TRRAP: variants seen among roughly 807,000 people sequenced by gnomAD.
TRRAP encodes the protein transformation/transcription domain associated protein, also known as transformation/transcription domain-associated protein.
A neutral mutation model predicts 438.8 loss-of-function variants in TRRAP; 41 were observed. The ratio of observed to expected loss-of-function variants is 0.09; its 90% CI spans 0.07 to 0.12. TRRAP has a LOEUF of 0.12. TRRAP is among the 10% of genes least tolerant of loss of function. TRRAP has a pLI of 1.00. For synonymous variants in TRRAP, 1,994 were observed against 1,962.9 expected (o/e 1.02, Z -0.42); for missense variants, 3,122 against 5,055.1 (o/e 0.62, Z 11.60).
intron 6 of TRRAP, among the ~76,000 whole-genome samples, chr7:98,894,318 A>G (rs1348511191): frequency 3.9e-5 from 6 of 152,192 alleles, no homozygotes; most frequent in African/African-American, 1.4e-4. Context: ...TTAAAATGTC[A>G]TTTGAGGAAT....
intron 62 of TRRAP, among the ~76,000 whole-genome samples, chr7:98,985,721 A>C (rs1468604965): frequency 6.6e-6 from 1 of 152,192 alleles, no homozygotes; most frequent in Non-Finnish European, 1.5e-5. Flanking sequence ...TGGGGCTTGC[A>C]TGTTTAGCTT....
Position 99,005,288 on chromosome 7 carries a change from C to T in TRRAP, c.10693C>T (p.Leu3565=). The T allele has an allele frequency of 1.9e-6, 3 of 1,614,154 alleles. 1 individual carries two copies. The highest frequency in any genetic ancestry group is 8.5e-7 in the Non-Finnish European group (1 of 1,180,050). The change falls in exon 69 of 73, where the codon CTG becomes TTG. Residue 3565 remains leucine (L), a synonymous_variant. Coordinates refer to ENST00000456197, the MANE Select transcript of TRRAP (RefSeq NM_001375524.1). This position sits in a 1 kb window ranked among gnomAD's most constrained non-coding sequence, Gnocchi z 5.1. ...REERVLQLLR[L]LNPCLEKRKE... ...GGAGCGTGTGTTGCAGCTGCTGCGT[C>T]TGCTGAACCCCTGTTTGGAGAAGAG...
In TRRAP at chr7:98,948,692, G is replaced by A. The variant is rs200860968; in HGVS notation, c.4788+7G>A. The A allele has an allele frequency of 1.9e-6, 3 of 1,614,076 alleles. No individual in the cohort carries two copies. Among genetic ancestry groups the A allele is most frequent in the Non-Finnish European group, 2.5e-6 (3 of 1,180,048 alleles). On this transcript the variant is annotated splice_region_variant and intron_variant, in intron 35 of 72. Transcript: ENST00000456197. This position sits in a 1 kb window ranked among gnomAD's most constrained non-coding sequence, Gnocchi z 4.9. ...GTGGAGCAGAATGTTTATGGTAAGA[G>A]CTGTGAGCAGCTGGAGTCAGGGGTC...
In TRRAP at chr7:98,931,603, C is replaced by T. The variant is rs782581604; in HGVS notation, c.3790C>T (p.Leu1264=). ...STVRKQAMHS[L]QVLAQVTGKS... ...TGTGAGGAAGCAGGCCATGCATTCG[C>T]TGCAGGTGTTGGCCCAGGTCACTGG... Residue 1264 remains leucine (L), a synonymous_variant, in exon 26 of 73, where the codon CTG becomes TTG. Transcript: ENST00000456197. The T allele has an allele frequency of 1.9e-6, 3 of 1,614,244 alleles. No homozygotes were observed. Among genetic ancestry groups the T allele is most frequent in the Non-Finnish European group, 2.5e-6 (3 of 1,180,056 alleles).
At chr7:98,928,114 T>C (rs1790138827) in intron 23 of TRRAP, among the ~76,000 whole-genome samples, 1 of 152,094 alleles carries the variant, frequency 6.6e-6, no homozygotes, top group South Asian at 2.1e-4. Flanking sequence ...GGTGCATGCC[T>C]GTAATCCCAG....
chr7:98,956,157 G>C lies in TRRAP; in HGVS notation c.5949G>C (p.Pro1983=). The part of the protein sequence containing the change: ...LIVQHFKVYY[P]VRHHLVQHMV... ...CCCTGCGTCCGCAGGTGTACTACCC[G>C]GTACGGCACCACTTGGTGCAGCACA... Residue 1983 remains proline, a synonymous_variant, in exon 42 of 73, where the codon CCG becomes CCC. Transcript: ENST00000456197. The surrounding 1 kb of genome is among the most constrained non-coding windows in gnomAD (Gnocchi z 4.5). The C allele has an allele frequency of 6.2e-7, 1 of 1,611,878 alleles. No homozygotes were observed. Among genetic ancestry groups the C allele is most frequent in the South Asian group, 1.1e-5 (1 of 90,988 alleles).
At chr7:98,888,793 C>T (rs1471605700) in intron 3 of TRRAP, among the ~76,000 whole-genome samples, 1 of 152,116 alleles carries the variant, frequency 6.6e-6, no homozygotes, top group Non-Finnish European at 1.5e-5. Flanking sequence ...TATATGTTCC[C>T]TTAGTTGTTG....
intron 7 of TRRAP, among the ~76,000 whole-genome samples, chr7:98,896,367 G>A (rs1260338501): frequency 1.3e-5 from 2 of 152,056 alleles, no homozygotes; most frequent in Non-Finnish European, 2.9e-5. Context: ...GTTTGGAATA[G>A]CTTCTTCCAG....
In TRRAP at chr7:99,012,030, C is replaced by A; in HGVS notation, c.11338-41C>A. ...TAGGAAGCTGCCCCTGTGGGCTGTT[C>A]TTGGTTAAACACAAGTCGTCTCGTT... On this transcript the variant is annotated intron_variant, in intron 72 of 72. Coordinates refer to ENST00000456197, the MANE Select transcript of TRRAP (RefSeq NM_001375524.1). The surrounding 1 kb of genome is among the most constrained non-coding windows in gnomAD (Gnocchi z 5.9). The A allele has an allele frequency of 3.8e-6, 6 of 1,597,996 alleles. No individual in the cohort carries two copies. The highest frequency in any genetic ancestry group is 1.1e-5 in the South Asian group (1 of 88,370).
At chr7:98,913,809 G>A (rs1789392342) in intron 18 of TRRAP, among the ~76,000 whole-genome samples, 1 of 152,146 alleles carries the variant, frequency 6.6e-6, no homozygotes, top group Non-Finnish European at 1.5e-5. Flanking sequence ...TAGCAAATGG[G>A]TAAAACCCAT....
In TRRAP at chr7:98,967,117, T is replaced by G; in HGVS notation, c.7253T>G (p.Leu2418Arg). 6.2e-7 allele frequency: 1 copy of G among 1,614,092 alleles called. No homozygotes were observed. Among genetic ancestry groups the G allele is most frequent in the Non-Finnish European group, 8.5e-7 (1 of 1,179,996 alleles). ...TYIEKRFPED[L>R]ELNAQFLDLV... ...ATAGAAAAACGCTTTCCGGAAGACC[T>G]TGAATTAAATGCCCAGTTTTTAGAT... The change falls in exon 50 of 73, where the codon CTT (leucine) becomes CGT (arginine). Residue 2418 changes from leucine (L) to arginine (R), a missense_variant. Leu to Arg is a moderately radical substitution (Grantham distance 102). This residue lies in a region of TRRAP where 992 missense variants were observed against 1,281.2 expected (regional missense o/e 0.77). Coordinates refer to ENST00000456197, the MANE Select transcript of TRRAP (RefSeq NM_001375524.1).
At position 98,967,636 on chromosome 7, in the gene TRRAP, G is replaced by A; in HGVS notation, c.7450G>A (p.Val2484Met). The change falls in exon 51 of 73, where the codon GTG (valine) becomes ATG (methionine). Residue 2484 changes from valine (V) to methionine (M), a missense_variant. This residue lies in a region of TRRAP where 992 missense variants were observed against 1,281.2 expected (regional missense o/e 0.77). Coordinates refer to ENST00000456197, the MANE Select transcript of TRRAP (RefSeq NM_001375524.1). ...KRRVYERLLY[V>M]TCSQNWEAMG... is the part of the protein sequence containing the mutation. Reference sequence around the variant, plus strand: ...TCGTGTCTACGAGCGCTTGCTCTATGTGACCTGTTCGCAGAACTGGGAAGC... The same window carrying A: ...TCGTGTCTACGAGCGCTTGCTCTATATGACCTGTTCGCAGAACTGGGAAGC... 6.2e-7 allele frequency: 1 copy of A among 1,614,076 alleles called. No homozygotes were observed. The highest frequency in any genetic ancestry group is 8.5e-7 in the Non-Finnish European group (1 of 1,180,040).
At position 99,008,385 on chromosome 7, in the gene TRRAP, G is replaced by C; in HGVS notation, c.10762G>C (p.Val3588Leu). The C allele has an allele frequency of 6.2e-7, 1 of 1,614,068 alleles. No homozygotes were observed. The highest frequency in any genetic ancestry group is 8.5e-7 in the Non-Finnish European group (1 of 1,179,952). ...KRHLFFTVPRVVAVSPQMRLV... is the reference protein window; with the variant it reads ...KRHLFFTVPRLVAVSPQMRLV... ...TCTTCCTCTCTCCCCAGTGCCCCGG[G>C]TTGTGGCAGTTTCCCCACAGATGCG... Residue 3588 changes from valine (V) to leucine (L), a missense_variant, in exon 70 of 73, where the codon GTT becomes CTT. Coordinates refer to ENST00000456197, the MANE Select transcript of TRRAP (RefSeq NM_001375524.1).
intron 70 of TRRAP, among the ~76,000 whole-genome samples, chr7:99,009,747 G>A (rs2237601): frequency 0.11 from 16,055 of 152,202 alleles, 897 homozygotes; most frequent in East Asian, 0.21. Context: ...GACCGACTAG[G>A]CAGTTTGTTC....
chr7:98,942,283 C>T lies in TRRAP; in HGVS notation c.4405-666C>T, dbSNP rs112166045. Among the ~76,000 whole-genome samples the T allele has an allele frequency of 5.4e-3, 828 of 152,334 alleles. 3 individuals carry two copies. The highest frequency in any genetic ancestry group is 0.018 in the African/African-American group (733 of 41,588). Reference sequence around the variant, plus strand: ...ACAGTTCCTGACCAAGTGGGGTCCACATCTATCTCACCAGCCCCTTCCCTA... The same window carrying T: ...ACAGTTCCTGACCAAGTGGGGTCCATATCTATCTCACCAGCCCCTTCCCTA... On this transcript the variant is annotated intron_variant, in intron 30 of 72. Transcript: ENST00000456197.
chr7:98,894,687 A>G (rs1195612351), intron 6 of TRRAP, among the ~76,000 whole-genome samples: 3 of 150,126 alleles, frequency 2.0e-5, no homozygotes. Context: ...ATCTTGGCTC[A>G]CTGCAACCTC....
chr7:98,880,153 A>T (rs1396540307), intron 1 of TRRAP, among the ~76,000 whole-genome samples: 1 of 151,404 alleles, frequency 6.6e-6, no homozygotes, highest in Non-Finnish European at 1.5e-5. Flanking sequence ...TTGGGAGCCC[A>T]CCTTTGGCAC....
At chr7:98,915,091 C>A (rs1554409379) in intron 18 of TRRAP, among the ~76,000 whole-genome samples, 1 of 151,456 alleles carries the variant, frequency 6.6e-6, no homozygotes, top group African/African-American at 2.4e-5. Context: ...AAAATATTTT[C>A]CAATTAAGTC....
intron 3 of TRRAP, among the ~76,000 whole-genome samples, chr7:98,883,473 T>C (rs1425163779): frequency 6.6e-6 from 1 of 152,200 alleles, no homozygotes; most frequent in East Asian, 1.9e-4. Context: ...TATATGAAGG[T>C]CAATTTCTAT....
Sources: allele counts gnomAD v4.1 joint callset (sites outside exome capture counted in the v4.1 genomes callset), GRCh38; gene constraint gnomAD v4.1.1; regional missense constraint gnomAD v4.1.1; non-coding constraint Gnocchi (gnomAD v3.1); transcripts MANE v1.5; gene names NCBI Gene and HGNC (gene_info 2026-07-23, HGNC 2026-07-21).